WDR12: variants seen among roughly 807,000 people sequenced by gnomAD.
WDR12 encodes ribosome biogenesis protein WDR12.
Under a neutral mutation model 64.3 loss-of-function variants are expected in WDR12, and 42 were observed. That is an observed-to-expected ratio of 0.65 (90% CI 0.51 to 0.84). The LOEUF is 0.84. Ranked by LOEUF, WDR12 falls within the 40% of genes least tolerant of loss-of-function variation. The probability of loss-of-function intolerance (pLI) is 0.00; values close to 1 mark genes in which losing one functional copy is unlikely to be tolerated. For missense variants in WDR12, 469 were observed against 494.6 expected, an observed-to-expected ratio of 0.95 and a Z score of 0.49; for synonymous variants, 158 against 173.3, an observed-to-expected ratio of 0.91 and a Z score of 0.70.
Position 202,899,628 on chromosome 2 carries a change from C to T in WDR12, c.241G>A (p.Val81Met). 6.2e-7 allele frequency: 1 copy of T among 1,613,780 alleles called. No homozygotes were observed. The highest frequency in any genetic ancestry group is 8.5e-7 in the Non-Finnish European group (1 of 1,179,822). The change falls in exon 4 of 13, where the codon GTG becomes ATG. Residue 81 changes from valine to methionine, a missense_variant. Transcript: ENST00000261015. ...EMENISSEEVVEIEYVEKYTA... is the reference protein window; with the variant it reads ...EMENISSEEVMEIEYVEKYTA... ...TACTTCTCCACGTATTCTATTTCCA[C>T]AACTTCTTCCTAATCACAAGAGAAA...
chr2:202,889,751 T>TA (rs907393517), intron 8 of WDR12, among the ~76,000 whole-genome samples: 4 of 149,104 alleles, frequency 2.7e-5, no homozygotes, highest in Admixed American at 2.7e-4. Context: ...CCCATCTCTT[T>TA]AAAAAAAAAA....
chr2:202,885,737 C>A (rs1172091201), intron 8 of WDR12, among the ~76,000 whole-genome samples: 1 of 152,082 alleles, frequency 6.6e-6, no homozygotes, highest in Non-Finnish European at 1.5e-5. Flanking sequence ...AGGTAGAGTA[C>A]CTACCTTAAA....
At chr2:202,899,005 A>G (rs932265374) in intron 4 of WDR12, among the ~76,000 whole-genome samples, 5 of 148,900 alleles carry the variant, frequency 3.4e-5, no homozygotes, top group Non-Finnish European at 7.4e-5. Flanking sequence ...AGAACAGAAA[A>G]AGAGTACCTA....
chr2:202,893,845 T>C (rs2105907093), intron 7 of WDR12, among the ~76,000 whole-genome samples: 1 of 152,290 alleles, frequency 6.6e-6, no homozygotes. Context: ...TAATCTATGC[T>C]TTCAGAGTAA....
chr2:202,887,880 G>A (rs1211451153), intron 8 of WDR12, among the ~76,000 whole-genome samples: 8 of 141,906 alleles, frequency 5.6e-5, no homozygotes, highest in Non-Finnish European at 9.1e-5. Context: ...GGGCGACAGA[G>A]CGAGACTCCG....
Position 202,886,767 on chromosome 2 carries a change from C to CAA in WDR12, c.742-2234_742-2233dup, listed in dbSNP as rs60735682. On this transcript the variant is annotated intron_variant, in intron 8 of 12. Coordinates refer to ENST00000261015, the MANE Select transcript of WDR12 (RefSeq NM_018256.4). ...GGGCAACAAGAGTGAAACTCCATCT[C>CAA]AAAAAAAAAAAAAAAAAAAAGAGGA... 4.6e-3 allele frequency among the ~76,000 whole-genome samples: 361 copies of CAA among 78,646 alleles called. 5 individuals carry two copies. The highest frequency in any genetic ancestry group is 5.5e-3 in the Admixed American group (38 of 6,874). 51.6% of individuals were successfully genotyped at this position (78,646 alleles called of 152,430 possible).
chr2:202,899,497 C>CAA (rs551695735), intron 4 of WDR12, 34 bp downstream of exon 4: 8 of 1,581,898 alleles, frequency 5.1e-6, no homozygotes, highest in Non-Finnish European at 6.9e-6. Flanking sequence ...AAAAACAAAA[C>CAA]AAAAAAAAGA....
chr2:202,899,780 A>T (rs1370217013), intron 3 of WDR12, 143 bp from the exon 4 acceptor site: 2 of 657,460 alleles, frequency 3.0e-6, no homozygotes, highest in African/African-American at 3.7e-5. Flanking sequence ...GAGCCATTCA[A>T]AAAGTCAAGA....
chr2:202,897,011 AAAAC>A (rs1208301587), intron 5 of WDR12, among the ~76,000 whole-genome samples: 46 of 152,202 alleles, frequency 3.0e-4, no homozygotes, highest in Non-Finnish European at 4.4e-4. Flanking sequence ...AAAACAAAAC[AAAAC>A]AAACAAACAA....
chr2:202,905,145 G>A (rs1180797205), intron 2 of WDR12, among the ~76,000 whole-genome samples: 3 of 152,088 alleles, frequency 2.0e-5, no homozygotes, highest in Non-Finnish European at 2.9e-5. Context: ...ATAAAATGGC[G>A]TTTTTCCCCA....
At chr2:202,898,189 T>C (rs974130924) in intron 4 of WDR12, among the ~76,000 whole-genome samples, 2 of 151,900 alleles carry the variant, frequency 1.3e-5, no homozygotes, top group African/African-American at 2.4e-5. Context: ...CTTGCTCTGT[T>C]GCCCAGGCTG....
In WDR12 at chr2:202,896,973, C is replaced by T. The variant is rs62183733; in HGVS notation, c.454+327G>A. ...CTGCACGCTAGCCTGGGTGACACAGCGAGACTATCTCAAAAACAAAACAAA... is the reference window on the plus strand; with the variant it reads ...CTGCACGCTAGCCTGGGTGACACAGTGAGACTATCTCAAAAACAAAACAAA... On this transcript the variant is annotated intron_variant, in intron 5 of 12. Coordinates refer to ENST00000261015, the MANE Select transcript of WDR12 (RefSeq NM_018256.4). 5.3e-3 allele frequency among the ~76,000 whole-genome samples: 799 copies of T among 151,814 alleles called. 2 individuals carry two copies. The highest frequency in any genetic ancestry group is 8.0e-3 in the Non-Finnish European group (543 of 67,962).
rs754288054 is a variant in WDR12 at position 202,896,016 on chromosome 2, A to G, written c.609+49T>C. The G allele has an allele frequency of 6.3e-6, 10 of 1,580,844 alleles. No homozygotes were observed. The East Asian group carries it at 2.0e-4, about 32-fold the overall frequency. ...ATGCAGAAGAAAATGTTTAGCAACAAGCTCAAATTCAAATTTAACAGAGTA... is the reference window on the plus strand; with the variant it reads ...ATGCAGAAGAAAATGTTTAGCAACAGGCTCAAATTCAAATTTAACAGAGTA... On this transcript the variant is annotated intron_variant, in intron 6 of 12. Coordinates refer to ENST00000261015, the MANE Select transcript of WDR12 (RefSeq NM_018256.4).
intron 2 of WDR12, among the ~76,000 whole-genome samples, chr2:202,904,634 C>T (rs903491135): frequency 6.6e-6 from 1 of 152,134 alleles, no homozygotes; most frequent in Non-Finnish European, 1.5e-5. Context: ...AAAAATGAAA[C>T]TAGACCCCTA....
In WDR12 at chr2:202,897,605, C is replaced by A. The variant is rs569364280; in HGVS notation, c.339-190G>T. The stretch of plus-strand genomic sequence containing the variant: ...TCAACCTCCTAAAAATAATACCTGG[C>A]ATGGCTGGGCGTGGTGGCTCACGCC... On this transcript the variant is annotated intron_variant, in intron 4 of 12. Coordinates refer to ENST00000261015, the MANE Select transcript of WDR12 (RefSeq NM_018256.4). Among the ~76,000 whole-genome samples, 17 of 146,520 alleles carry A rather than the reference C, an allele frequency of 1.2e-4. No individual in the cohort carries two copies. In the South Asian group the frequency reaches 3.9e-3, roughly 33 times the overall value.
chr2:202,875,925 GGA>G lies in WDR12; in HGVS notation c.*4933_*4934del. The G allele has an allele frequency of 6.6e-6, 1 of 152,192 alleles. No homozygotes were observed. The highest frequency in any genetic ancestry group is 6.5e-5 in the Admixed American group (1 of 15,276). The allele number at this position is 152,192 out of a possible 1,614,324, so 9.4% of individuals were successfully genotyped here. A position where few individuals can be genotyped will look rare whatever the true frequency, so the allele number is the denominator to read the frequency against. On this transcript the variant is annotated 3_prime_UTR_variant, in exon 13 of 13. Coordinates refer to ENST00000261015, the MANE Select transcript of WDR12 (RefSeq NM_018256.4). The stretch of plus-strand genomic sequence containing the variant: ...ATGCAAATAATTTATTACCTATAGA[GGA>G]TTATTATGGTAGGATATAGTTTCAT...
chr2:202,895,346 T>C (rs896796496), intron 6 of WDR12, among the ~76,000 whole-genome samples: 2 of 152,168 alleles, frequency 1.3e-5, no homozygotes, highest in Admixed American at 6.6e-5. Flanking sequence ...ATTGATACTA[T>C]AGTAAAACTC....
chr2:202,884,396 A>G lies in WDR12; in HGVS notation c.881T>C (p.Leu294Ser). ...AAAAGAACACTGAATTTGTCTTACC[A>G]AAGTTGACTTAAGACTGCCAGACTC... ...DVESGSLKST[L>S]TGNKVFNCIS... Residue 294 changes from leucine to serine, a missense_variant and splice_region_variant, in exon 9 of 13, where the codon TTG becomes TCG. Coordinates refer to ENST00000261015, the MANE Select transcript of WDR12 (RefSeq NM_018256.4). 1.2e-6 allele frequency: 2 copies of G among 1,614,054 alleles called. No individual in the cohort carries two copies. The highest frequency in any genetic ancestry group is 1.7e-6 in the Non-Finnish European group (2 of 1,180,008).
chr2:202,888,545 A>T (rs566424760), intron 8 of WDR12, among the ~76,000 whole-genome samples: 1 of 152,232 alleles, frequency 6.6e-6, no homozygotes, highest in South Asian at 2.1e-4. Context: ...TTGAGAATTA[A>T]GGAGGAAAAG....
Sources: allele counts gnomAD v4.1 joint callset (sites outside exome capture counted in the v4.1 genomes callset), GRCh38; gene constraint gnomAD v4.1.1; transcripts MANE v1.5; gene names NCBI Gene and HGNC (gene_info 2026-07-23, HGNC 2026-07-21).